Variants in MAP3K2 observed in about 807,000 individuals in gnomAD.
MAP3K2 encodes the protein MAP/ERK kinase kinase 2.
MAP3K2 carries 24 observed loss-of-function variants against 80.3 expected under a neutral mutation model. That is an observed-to-expected ratio of 0.30 (90% CI 0.22 to 0.42). The LOEUF is 0.42. Ranked by LOEUF, MAP3K2 falls within the 10% of genes least tolerant of loss-of-function variation. MAP3K2 has a pLI of 1.00. For synonymous variants in MAP3K2, 244 were observed against 253.7 expected (o/e 0.96, Z 0.36); for missense variants, 608 against 750.1 (o/e 0.81, Z 2.21).
intron 9 of MAP3K2, among the ~76,000 whole-genome samples, chr2:127,325,348 T>C (rs1235525834): frequency 6.6e-6 from 1 of 152,218 alleles, no homozygotes; most frequent in African/African-American, 2.4e-5. Context: ...TTCAACATTC[T>C]ATCTGTATGA....
Position 127,335,823 on chromosome 2 carries a change from T to C in MAP3K2, c.264+47A>G, listed in dbSNP as rs768480257. 1.5e-5 allele frequency: 16 copies of C among 1,040,362 alleles called. No homozygotes were observed. The African/African-American group carries it at 1.9e-4, about 12-fold the overall frequency. 64.4% of individuals were successfully genotyped at this position (1,040,362 alleles called of 1,614,324 possible). On this transcript the variant is annotated intron_variant, in intron 5 of 16. Transcript: ENST00000682094. ...AAAAGCAGTCTCTTAAACGAACACA[T>C]TACTTTTGAAGGTAAGATCTACTAA...
At chr2:127,371,754 T>C (rs1687068939) in intron 1 of MAP3K2, among the ~76,000 whole-genome samples, 1 of 152,196 alleles carries the variant, frequency 6.6e-6, no homozygotes. Context: ...GCAGGTCATA[T>C]GAAGAGGGAA....
chr2:127,305,108 TACAGTCTC>T lies in MAP3K2; in HGVS notation c.*2463_*2470del, dbSNP rs1353385535. The T allele has an allele frequency of 1.1e-4, 17 of 152,522 alleles. No individual in the cohort carries two copies. The highest frequency in any genetic ancestry group is 1.5e-5 in the Non-Finnish European group (1 of 67,984). 9.4% of individuals were successfully genotyped at this position (152,522 alleles called of 1,614,324 possible). A position where few individuals can be genotyped will look rare whatever the true frequency, so the allele number is the denominator to read the frequency against. ...AAAAAAACAGTTTTGCTCTGGGTTC[TACAGTCTC>T]ACCAGATTTCTCTCTAAAGAGCATT... On this transcript the variant is annotated 3_prime_UTR_variant, in exon 17 of 17. Transcript: ENST00000682094.
intron 1 of MAP3K2, among the ~76,000 whole-genome samples, chr2:127,359,040 G>A (rs750743118): frequency 6.6e-6 from 1 of 152,162 alleles, no homozygotes; most frequent in Non-Finnish European, 1.5e-5. Flanking sequence ...CAGGAGGAGG[G>A]GAGCAGGGAT....
At chr2:127,313,427 C>T (rs6731176) in intron 15 of MAP3K2, among the ~76,000 whole-genome samples, 65,577 of 152,026 alleles carry the variant, frequency 0.43, 14,458 homozygotes, top group East Asian at 0.62. Flanking sequence ...CTAAGTCCCA[C>T]TCTAGTACAG....
chr2:127,311,504 T>C (rs762003834), intron 15 of MAP3K2, among the ~76,000 whole-genome samples: 4 of 152,200 alleles, frequency 2.6e-5, no homozygotes, highest in Non-Finnish European at 5.9e-5. Flanking sequence ...TCTAAAAACT[T>C]ATTTTGGACA....
intron 1 of MAP3K2, among the ~76,000 whole-genome samples, chr2:127,366,706 AC>A (rs1182152871): frequency 6.6e-6 from 1 of 151,610 alleles, no homozygotes; most frequent in Non-Finnish European, 1.5e-5. Context: ...AAAGATCTTC[AC>A]CCCACTCCCT....
chr2:127,379,959 C>T (rs1687218221), intron 1 of MAP3K2, among the ~76,000 whole-genome samples: 1 of 152,084 alleles, frequency 6.6e-6, no homozygotes, highest in South Asian at 2.1e-4. Flanking sequence ...ATCTTAAAAG[C>T]AGTACTGAAA....
intron 6 of MAP3K2, among the ~76,000 whole-genome samples, 156 bp downstream of exon 6, chr2:127,330,232 GGAGT>G (rs1341386344): frequency 1.3e-5 from 2 of 151,992 alleles, no homozygotes; most frequent in Non-Finnish European, 2.9e-5. Flanking sequence ...TGGTTTTTGA[GGAGT>G]AAGGATATTA....
intron 1 of MAP3K2, among the ~76,000 whole-genome samples, chr2:127,366,384 G>GA (rs61497433): frequency 0.024 from 2,095 of 87,222 alleles, 18 homozygotes; most frequent in South Asian, 0.039. Context: ...CCTATCTCTG[G>GA]AAAAAAAAAA....
intron 1 of MAP3K2, 22 bp from the exon 2 acceptor site, chr2:127,343,216 G>A (rs2104849874): frequency 3.2e-6 from 3 of 924,076 alleles, no homozygotes; most frequent in Non-Finnish European, 4.9e-6. Flanking sequence ...AAACAGATCA[G>A]CATATTAATA....
At chr2:127,326,505 T>C (rs1184513544) in intron 8 of MAP3K2, among the ~76,000 whole-genome samples, 182 bp downstream of exon 8, 3 of 152,172 alleles carry the variant, frequency 2.0e-5, no homozygotes, top group Non-Finnish European at 4.4e-5. Flanking sequence ...TATTCCAGCT[T>C]TCTTTATACA....
Position 127,322,359 on chromosome 2 carries a change from C to A in MAP3K2, c.839-107G>T. On this transcript the variant is annotated intron_variant, in intron 11 of 16. Transcript: ENST00000682094. The surrounding 1 kb of genome is among the most constrained non-coding windows in gnomAD (Gnocchi z 4.2). ...AATAGAAATTTGTCCTGTGACTAGG[C>A]TAAGAAACTCAAATAGGAATGATTG... The A allele has an allele frequency of 1.5e-6, 1 of 663,258 alleles. No homozygotes were observed. The highest frequency in any genetic ancestry group is 2.5e-6 in the Non-Finnish European group (1 of 396,780). The allele number at this position is 663,258 out of a possible 1,614,324, so 41.1% of individuals were successfully genotyped here.
At chr2:127,347,953 T>C (rs1323624650) in intron 1 of MAP3K2, among the ~76,000 whole-genome samples, 1 of 152,104 alleles carries the variant, frequency 6.6e-6, no homozygotes, top group East Asian at 1.9e-4. Flanking sequence ...CTGTTTCCAC[T>C]CCTATTGTAT....
chr2:127,312,751 T>C (rs990599001), intron 15 of MAP3K2, among the ~76,000 whole-genome samples: 4 of 152,026 alleles, frequency 2.6e-5, no homozygotes, highest in Admixed American at 2.0e-4. Flanking sequence ...TCACCTGAGG[T>C]TGCGAGTTCG....
At chr2:127,361,277 C>T (rs1457150678) in intron 1 of MAP3K2, among the ~76,000 whole-genome samples, 3 of 141,064 alleles carry the variant, frequency 2.1e-5, no homozygotes. Context: ...CACACCACTG[C>T]ACTCCAGCCT....
chr2:127,346,014 C>T (rs1479475583), intron 1 of MAP3K2, among the ~76,000 whole-genome samples: 1 of 151,150 alleles, frequency 6.6e-6, no homozygotes, highest in Non-Finnish European at 1.5e-5. Flanking sequence ...AAAAATACCA[C>T]TGAAATTTAA....
chr2:127,323,083 T>A (rs1383460236), intron 11 of MAP3K2, among the ~76,000 whole-genome samples: 1 of 149,212 alleles, frequency 6.7e-6, no homozygotes, highest in Non-Finnish European at 1.5e-5. Context: ...CTGGGCAACA[T>A]GGCAAAACCC....
intron 9 of MAP3K2, among the ~76,000 whole-genome samples, chr2:127,325,463 G>T (rs1478193990): frequency 3.3e-5 from 5 of 152,208 alleles, no homozygotes; most frequent in African/African-American, 1.2e-4. Context: ...AGGTTCGCTT[G>T]AGCCCAGGAG....
Sources: allele counts gnomAD v4.1 joint callset (sites outside exome capture counted in the v4.1 genomes callset), GRCh38; gene constraint gnomAD v4.1.1; non-coding constraint Gnocchi (gnomAD v3.1); transcripts MANE v1.5; gene names NCBI Gene and HGNC (gene_info 2026-07-23, HGNC 2026-07-21).